Variants in CSMD1 observed in about 807,000 individuals in gnomAD.
The protein encoded by CSMD1 is CUB and Sushi multiple domains 1.
A neutral mutation model predicts 417.5 loss-of-function variants in CSMD1; 213 were observed. The ratio of observed to expected loss-of-function variants is 0.51; its 90% CI spans 0.46 to 0.57. The LOEUF is 0.57. CSMD1 is among the 20% of genes least tolerant of loss of function. The probability of loss-of-function intolerance (pLI) is 0.00; values close to 1 mark genes in which losing one functional copy is unlikely to be tolerated. For missense variants in CSMD1, 6,923 were observed against 4,529.7 expected (o/e 1.53, Z -15.17); for synonymous variants, 2,862 against 1,736.8 (o/e 1.65, Z -16.11).
At chr8:3,209,519 C>T (rs911557006) in intron 30 of CSMD1, among the ~76,000 whole-genome samples, 2 of 151,964 alleles carry the variant, frequency 1.3e-5, no homozygotes, top group African/African-American at 2.4e-5. Context: ...CGGGGTTTCA[C>T]CATGTTAGCC....
intron 16 of CSMD1, among the ~76,000 whole-genome samples, chr8:3,399,188 C>T (rs995234033): frequency 6.6e-6 from 1 of 152,172 alleles, no homozygotes; most frequent in African/African-American, 2.4e-5. Context: ...CTACTAACCT[C>T]CAGAGCATTG....
intron 2 of CSMD1, among the ~76,000 whole-genome samples, chr8:4,501,305 A>G (rs1802248284): frequency 6.6e-6 from 1 of 152,042 alleles, no homozygotes; most frequent in African/African-American, 2.4e-5. Flanking sequence ...AACATGAATG[A>G]TTGTTTTGTC....
intron 2 of CSMD1, among the ~76,000 whole-genome samples, chr8:4,574,196 G>A (rs1176772040): frequency 1.3e-5 from 2 of 152,134 alleles, no homozygotes; most frequent in African/African-American, 2.4e-5. Flanking sequence ...CAGCTAGCTC[G>A]GTATCTGTCT....
At chr8:4,059,509 T>A (rs1417431619) in intron 3 of CSMD1, among the ~76,000 whole-genome samples, 1 of 152,056 alleles carries the variant, frequency 6.6e-6, no homozygotes, top group Non-Finnish European at 1.5e-5. Flanking sequence ...CAGGAGCTGG[T>A]TTTTTGAAAG....
chr8:4,954,436 T>C (rs1172781565), intron 1 of CSMD1, among the ~76,000 whole-genome samples: 3 of 152,152 alleles, frequency 2.0e-5, no homozygotes, highest in Non-Finnish European at 2.9e-5. Flanking sequence ...TGTGCACAAT[T>C]GTATAGCTGA....
intron 3 of CSMD1, among the ~76,000 whole-genome samples, chr8:4,343,328 G>T (rs990358419): frequency 3.9e-5 from 6 of 152,004 alleles, no homozygotes; most frequent in African/African-American, 9.7e-5. Flanking sequence ...GTAAGAGAAT[G>T]AATACATTCC....
intron 30 of CSMD1, among the ~76,000 whole-genome samples, chr8:3,212,170 T>A (rs535926822): frequency 6.6e-6 from 1 of 152,322 alleles, no homozygotes; most frequent in East Asian, 1.9e-4. Flanking sequence ...TGAGTTCTAT[T>A]TGAAGCTCCC....
intron 1 of CSMD1, among the ~76,000 whole-genome samples, chr8:4,642,614 G>A (rs1462837545): frequency 6.6e-6 from 1 of 152,136 alleles, no homozygotes. Flanking sequence ...GGCTGGGTGG[G>A]CATTCTCAGA....
At chr8:4,478,111 G>C (rs889356560) in intron 2 of CSMD1, among the ~76,000 whole-genome samples, 3 of 152,052 alleles carry the variant, frequency 2.0e-5, no homozygotes, top group Non-Finnish European at 4.4e-5. Flanking sequence ...CCTACCCCTG[G>C]CTGTTACGTT....
intron 10 of CSMD1, among the ~76,000 whole-genome samples, chr8:3,563,993 G>A (rs1450761061): frequency 1.3e-5 from 2 of 152,168 alleles, no homozygotes; most frequent in South Asian, 2.1e-4. Context: ...GATCATTAAA[G>A]TTCTGTCTTT....
At chr8:4,229,375 G>T (rs1801567782) in intron 3 of CSMD1, among the ~76,000 whole-genome samples, 1 of 152,246 alleles carries the variant, frequency 6.6e-6, no homozygotes, top group South Asian at 2.1e-4. Flanking sequence ...CAACAAAGCA[G>T]CCCTAAGATT....
chr8:4,456,407 C>G (rs189559371), intron 2 of CSMD1, among the ~76,000 whole-genome samples: 2 of 152,064 alleles, frequency 1.3e-5, no homozygotes, highest in African/African-American at 2.4e-5. Flanking sequence ...GACAAGATAT[C>G]GACTTCTTAG....
intron 7 of CSMD1, among the ~76,000 whole-genome samples, chr8:3,675,864 C>A (rs538955370): frequency 6.6e-6 from 1 of 152,184 alleles, no homozygotes; most frequent in Non-Finnish European, 1.5e-5. Context: ...ATTTTCTAGA[C>A]TAACGCTACT....
chr8:3,653,952 G>C (rs1180657436), intron 7 of CSMD1, among the ~76,000 whole-genome samples: 1 of 152,174 alleles, frequency 6.6e-6, no homozygotes, highest in Non-Finnish European at 1.5e-5. Context: ...TTTCACCCAT[G>C]ACAGCCTACT....
chr8:3,936,319 ATT>A (rs1256859930), intron 5 of CSMD1, among the ~76,000 whole-genome samples: 2 of 152,196 alleles, frequency 1.3e-5, no homozygotes, highest in African/African-American at 2.4e-5. Flanking sequence ...AAAGGCAGAT[ATT>A]GAGTGTAAAC....
intron 1 of CSMD1, among the ~76,000 whole-genome samples, chr8:4,709,953 G>C (rs890160253): frequency 3.9e-5 from 6 of 152,152 alleles, no homozygotes; most frequent in African/African-American, 9.7e-5. Flanking sequence ...GGTCTTGGAA[G>C]AAAATATCAG....
rs118165164 is a variant in CSMD1, at chr8:4,672,520, T to A, written c.86-34962A>T. On this transcript the variant is annotated intron_variant, in intron 1 of 69. Coordinates refer to ENST00000635120, the MANE Select transcript of CSMD1 (RefSeq NM_033225.6). ...GAAAAAAAGCTTTAATAAGGATCTT[T>A]GGTGAAATATGCACCTATAATGTAA... Among the ~76,000 whole-genome samples, 1,241 of 152,338 alleles carry A rather than the reference T, an allele frequency of 8.1e-3. 9 individuals are homozygous for A. Among genetic ancestry groups the A allele is most frequent in the Middle Eastern group, 0.027 (8 of 294 alleles).
intron 6 of CSMD1, among the ~76,000 whole-genome samples, chr8:3,738,913 G>A (rs945813711): frequency 3.0e-4 from 46 of 152,108 alleles, no homozygotes; most frequent in Non-Finnish European, 4.6e-4. Context: ...AGGCCTCCAT[G>A]GTCTTCCCTC....
intron 3 of CSMD1, among the ~76,000 whole-genome samples, chr8:4,222,783 C>A (rs1801118579): frequency 6.6e-6 from 1 of 152,106 alleles, no homozygotes; most frequent in African/African-American, 2.4e-5. Context: ...ACCGAGTCAT[C>A]ATTAAGGGCT....
Sources: allele counts gnomAD v4.1 joint callset (sites outside exome capture counted in the v4.1 genomes callset), GRCh38; gene constraint gnomAD v4.1.1; transcripts MANE v1.5; gene names NCBI Gene and HGNC (gene_info 2026-07-23, HGNC 2026-07-21).